PWWP3A: variants seen among roughly 807,000 people sequenced by gnomAD.
The protein encoded by PWWP3A is PWWP domain-containing DNA repair factor 3A.
A neutral mutation model predicts 79.0 loss-of-function variants in PWWP3A; 53 were observed. That is an observed-to-expected ratio of 0.67 (90% CI 0.54 to 0.84). The LOEUF (loss-of-function observed/expected upper bound fraction) is 0.84, where lower values mean the gene tolerates loss of function less well. Among genes scored for constraint, PWWP3A ranks in the 40% least tolerant of loss-of-function variants. The probability of loss-of-function intolerance (pLI) is 0.00; values close to 1 mark genes in which losing one functional copy is unlikely to be tolerated. For synonymous variants in PWWP3A, 443 were observed against 394.4 expected, an observed-to-expected ratio of 1.12 and a Z score of -1.46; for missense variants, 973 against 948.0, an observed-to-expected ratio of 1.03 and a Z score of -0.35.
In PWWP3A at chr19:1,360,641, G is replaced by C; in HGVS notation, c.720G>C (p.Glu240Asp). 2 of 1,613,570 alleles carry C rather than the reference G, an allele frequency of 1.2e-6. No homozygotes were observed. The highest frequency in any genetic ancestry group is 1.7e-6 in the Non-Finnish European group (2 of 1,179,596). The change falls in exon 5 of 14, where the codon GAG becomes GAC. Residue 240 changes from glutamate to aspartate, a missense_variant. Physicochemically the swap from Glu to Asp is conservative, Grantham distance 45. Transcript: ENST00000591337. The surrounding 1 kb of genome is among the most constrained non-coding windows in gnomAD (Gnocchi z 4.4). ...CTTCCCTTTCAGAGGACGACACGGA[G>C]AGAGACATGGGGAGCAAAGGAGGCA... ...NGSSLSEDDTERDMGSKGGSW... is the reference protein window; with the variant it reads ...NGSSLSEDDTDRDMGSKGGSW...
chr19:1,375,472 A>T (rs1410783845), intron 13 of PWWP3A, among the ~76,000 whole-genome samples: 2 of 116,606 alleles, frequency 1.7e-5, no homozygotes, highest in African/African-American at 6.6e-5. Context: ...ATTATATAAA[A>T]TTTATATATT....
chr19:1,364,060 C>T (rs1036701604), intron 6 of PWWP3A: 2 of 463,464 alleles, frequency 4.3e-6, no homozygotes, highest in African/African-American at 4.0e-5. Flanking sequence ...ACTGTAGTTT[C>T]CCAGAATCCT....
At chr19:1,365,982 G>T (rs1396012006) in intron 7 of PWWP3A, among the ~76,000 whole-genome samples, 1 of 152,246 alleles carries the variant, frequency 6.6e-6, no homozygotes, top group Non-Finnish European at 1.5e-5. Flanking sequence ...AGAGCATTAG[G>T]AGGACAAACC....
In PWWP3A at chr19:1,376,764, C is replaced by A. The variant is rs573766065; in HGVS notation, c.*188C>A. 14 of 492,350 alleles carry A rather than the reference C, an allele frequency of 2.8e-5. No individual in the cohort carries two copies. Among genetic ancestry groups the A allele is most frequent in the Admixed American group, 2.4e-4 (6 of 25,470 alleles). 30.5% of individuals were successfully genotyped at this position (492,350 alleles called of 1,614,324 possible). A position where few individuals can be genotyped will look rare whatever the true frequency, so the allele number is the denominator to read the frequency against. ...ATTTCGTTAACACTGAAAGCCAGTT[C>A]TCTTTTCCTGGCAGTTTTTTTCATT... On this transcript the variant is annotated 3_prime_UTR_variant, in exon 14 of 14. Coordinates refer to ENST00000591337, the MANE Select transcript of PWWP3A (RefSeq NM_001369789.1).
chr19:1,375,688 TATA>T (rs912184658), intron 13 of PWWP3A, among the ~76,000 whole-genome samples: 3 of 135,592 alleles, frequency 2.2e-5, no homozygotes, highest in Non-Finnish European at 3.1e-5. Context: ...TTTTATAATA[TATA>T]AAACAATTTA....
intron 6 of PWWP3A, chr19:1,364,181 A>C (rs1390591336): frequency 1.8e-6 from 1 of 553,556 alleles, no homozygotes; most frequent in Non-Finnish European, 3.5e-6. Context: ...TAGAGTTAGG[A>C]AAGTCGCGCA....
At chr19:1,363,655 G>A (rs544998549) in intron 6 of PWWP3A, among the ~76,000 whole-genome samples, 2 of 152,300 alleles carry the variant, frequency 1.3e-5, no homozygotes, top group Admixed American at 6.5e-5. Context: ...CAGGCTGGGC[G>A]TCTTTCTGAG....
At position 1,360,279 on chromosome 19, in the gene PWWP3A, C is replaced by T. The variant is rs149746655; in HGVS notation, c.358C>T (p.Arg120Ter). The T allele has an allele frequency of 1.5e-5, 25 of 1,613,906 alleles. No homozygotes were observed. In the African/African-American group the frequency reaches 2.5e-4, roughly 16 times the overall value. The change falls in exon 5 of 14, where the codon CGA becomes TGA. Residue 120 changes from arginine to a stop codon, truncating the protein, a stop_gained. Transcript: ENST00000591337. LOFTEE classifies it high-confidence loss of function. The surrounding 1 kb of genome is among the most constrained non-coding windows in gnomAD (Gnocchi z 4.4). ...GACAGGTAGAGCTGACCGGTCTCTGCGAGGGAAGCCCATGGAGCATGTCTC... is the reference window on the plus strand; with the variant it reads ...GACAGGTAGAGCTGACCGGTCTCTGTGAGGGAAGCCCATGGAGCATGTCTC... ...AGTGRADRSL[R>*]GKPMEHVSSP...
chr19:1,367,075 C>T, intron 8 of PWWP3A, 85 bp from the exon 9 acceptor site: 3 of 1,137,382 alleles, frequency 2.6e-6, no homozygotes, highest in Non-Finnish European at 2.6e-6. Context: ...GCGGCCTCCA[C>T]TGATCTTAAT....
At chr19:1,357,262 T>G (rs2081894271) in intron 3 of PWWP3A, 168 bp downstream of exon 3, 1 of 557,634 alleles carries the variant, frequency 1.8e-6, no homozygotes. Context: ...GCAACTAGTT[T>G]GATTTTATGT....
chr19:1,360,897 T>C lies in PWWP3A; in HGVS notation c.976T>C (p.Ser326Pro), dbSNP rs759607918. ...LEPMAAGAAP[S>P]PGPGPGPRES... is the part of the protein sequence containing the mutation. Reference sequence around the variant, plus strand: ...GCCCATGGCAGCAGGGGCCGCACCATCCCCCGGGCCGGGGCCAGGGCCCAG... The same window carrying C: ...GCCCATGGCAGCAGGGGCCGCACCACCCCCCGGGCCGGGGCCAGGGCCCAG... Residue 326 changes from serine (S) to proline (P), a missense_variant, in exon 5 of 14, where the codon TCC becomes CCC. Ser to Pro is a moderately conservative substitution (Grantham distance 74, BLOSUM62 -1). Coordinates refer to ENST00000591337, the MANE Select transcript of PWWP3A (RefSeq NM_001369789.1). The surrounding 1 kb of genome is among the most constrained non-coding windows in gnomAD (Gnocchi z 4.4). 7.1e-6 allele frequency: 11 copies of C among 1,540,992 alleles called. No individual in the cohort carries two copies. The highest frequency in any genetic ancestry group is 9.6e-6 in the Non-Finnish European group (11 of 1,143,050).
At chr19:1,356,040 A>G (rs1285111286) in intron 1 of PWWP3A, among the ~76,000 whole-genome samples, 1 of 152,112 alleles carries the variant, frequency 6.6e-6, no homozygotes, top group Non-Finnish European at 1.5e-5. Context: ...TTCCGCACGG[A>G]GATGATTTAT....
chr19:1,376,613 G>A lies in PWWP3A; in HGVS notation c.*37G>A, dbSNP rs1266458145. Reference sequence around the variant, plus strand: ...GCTGTGCTGTCAGCGGGGCCTGGCGGTGGAAGCGCCTCCAGTGTGCATGAG... The same window carrying A: ...GCTGTGCTGTCAGCGGGGCCTGGCGATGGAAGCGCCTCCAGTGTGCATGAG... On this transcript the variant is annotated 3_prime_UTR_variant, in exon 14 of 14. Coordinates refer to ENST00000591337, the MANE Select transcript of PWWP3A (RefSeq NM_001369789.1). The A allele has an allele frequency of 6.2e-7, 1 of 1,608,758 alleles. No homozygotes were observed. The highest frequency in any genetic ancestry group is 8.5e-7 in the Non-Finnish European group (1 of 1,176,348).
At chr19:1,366,277 C>T (rs201327937) in intron 7 of PWWP3A, 28 bp from the exon 8 acceptor site, 20 of 1,605,224 alleles carry the variant, frequency 1.2e-5, no homozygotes, top group East Asian at 1.1e-4. Context: ...TTTGTTTTGA[C>T]GTTTTATTTT....
At chr19:1,363,834 C>T (rs2082071771) in intron 6 of PWWP3A, among the ~76,000 whole-genome samples, 1 of 152,120 alleles carries the variant, frequency 6.6e-6, no homozygotes, top group African/African-American at 2.4e-5. Context: ...CTTCATAGGC[C>T]TTTAGGTTTT....
At position 1,369,632 on chromosome 19, in the gene PWWP3A, A is replaced by T; in HGVS notation, c.1535A>T (p.Tyr512Phe). ...GSFAGSFLEYYAADISYPVRK... is the reference protein window; with the variant it reads ...GSFAGSFLEYFAADISYPVRK... The stretch of plus-strand genomic sequence containing the variant: ...TTTGCTGGCTCTTTCCTGGAATATT[A>T]CGCGGCTGATATAAGTAAGTCTACA... The change falls in exon 11 of 14, where the codon TAC (tyrosine) becomes TTC (phenylalanine). Residue 512 changes from tyrosine to phenylalanine, a missense_variant. Tyr to Phe is a conservative substitution (Grantham distance 22). Coordinates refer to ENST00000591337, the MANE Select transcript of PWWP3A (RefSeq NM_001369789.1). This position sits in a 1 kb window ranked among gnomAD's most constrained non-coding sequence, Gnocchi z 4.0. 1.2e-6 allele frequency: 2 copies of T among 1,614,170 alleles called. No homozygotes were observed.
In PWWP3A at chr19:1,376,527, A is replaced by C. The variant is rs1303139521; in HGVS notation, c.2084A>C (p.Glu695Ala). 4 of 1,613,306 alleles carry C rather than the reference A, an allele frequency of 2.5e-6. No individual in the cohort carries two copies. Among genetic ancestry groups the C allele is most frequent in the Non-Finnish European group, 3.4e-6 (4 of 1,179,782 alleles). The stretch of plus-strand genomic sequence containing the variant: ...ACTCTTGTTTTCTGAAGGGAAAAAG[A>C]AATATTTGACAACCAGCTCCTTGAA... ...KGPSLSYREK[E>A]IFDNQLLEER... The change falls in exon 14 of 14, where the codon GAA (glutamate) becomes GCA (alanine). Residue 695 changes from glutamate to alanine, a missense_variant. Transcript: ENST00000591337.
chr19:1,376,493 A>C, intron 13 of PWWP3A, 26 bp from the exon 14 acceptor site: 1 of 1,610,754 alleles, frequency 6.2e-7, no homozygotes, highest in South Asian at 1.1e-5. Context: ...ATTAATTACT[A>C]AAATGAAGAC....
At chr19:1,375,343 G>A (rs946037245) in intron 13 of PWWP3A, among the ~76,000 whole-genome samples, 1 of 146,952 alleles carries the variant, frequency 6.8e-6, no homozygotes, top group Non-Finnish European at 1.5e-5. Flanking sequence ...GCTCATCTCC[G>A]AACTTCATCT....
Sources: gnomAD v4.1 joint callset for allele counts (sites outside exome capture counted in the v4.1 genomes callset) on GRCh38, gnomAD v4.1.1 for gene constraint, Gnocchi (gnomAD v3.1) non-coding constraint, MANE v1.5 for transcripts, NCBI Gene and HGNC (gene_info 2026-07-23, HGNC 2026-07-21) for gene names.